Variants in AGBL2 observed in about 807,000 individuals in gnomAD.
The protein encoded by AGBL2 is cytosolic carboxypeptidase 2.
Under a neutral mutation model 103.0 loss-of-function variants are expected in AGBL2, and 87 were observed. The observed-to-expected ratio is 0.84, with a 90% CI of 0.71 to 1.01. The LOEUF (loss-of-function observed/expected upper bound fraction) is 1.01, where lower values mean the gene tolerates loss of function less well. Ranked by LOEUF, AGBL2 falls within the 50% of genes least tolerant of loss-of-function variation. AGBL2 has a pLI of 0.00. For synonymous variants in AGBL2, 335 were observed against 356.7 expected (o/e 0.94, Z 0.69); for missense variants, 904 against 1,023.5 (o/e 0.88, Z 1.59).
chr11:47,696,036 A>AAT (rs1565068979), intron 8 of AGBL2, among the ~76,000 whole-genome samples: 4 of 9,960 alleles, frequency 4.0e-4, no homozygotes, highest in Admixed American at 1.7e-3. Flanking sequence ...AAAAAAAAAA[A>AAT]GAAAAAAAAA....
At position 47,667,177 on chromosome 11, in the gene AGBL2, G is replaced by A. The variant is rs191768996; in HGVS notation, c.2341-114C>T. 6.0e-5 allele frequency: 43 copies of A among 716,612 alleles called. No homozygotes were observed. In the African/African-American group the frequency reaches 7.1e-4, roughly 12 times the overall value. 44.4% of individuals were successfully genotyped at this position (716,612 alleles called of 1,614,324 possible). ...GCACGTTTGTCTTTAGAAAGCAGAGGGTATGGTGGGAGTGTGGCAGCTTGG... is the reference window on the plus strand; with the variant it reads ...GCACGTTTGTCTTTAGAAAGCAGAGAGTATGGTGGGAGTGTGGCAGCTTGG... On this transcript the variant is annotated intron_variant, in intron 16 of 18. Coordinates refer to ENST00000525123, the MANE Select transcript of AGBL2 (RefSeq NM_024783.4).
chr11:47,677,244 A>G, intron 14 of AGBL2, 27 bp downstream of exon 14: 3 of 1,563,752 alleles, frequency 1.9e-6, no homozygotes, highest in South Asian at 1.2e-5. Context: ...TTTAAAAAAA[A>G]ACAAAACTCT....
chr11:47,666,673 A>C, intron 17 of AGBL2: 1 of 573,250 alleles, frequency 1.7e-6, no homozygotes, highest in Non-Finnish European at 3.1e-6. Context: ...CTGATTGAGT[A>C]GATGGGTGAG....
chr11:47,660,458 C>T (rs998543267), intron 18 of AGBL2, 112 bp from the exon 19 acceptor site: 15 of 947,224 alleles, frequency 1.6e-5, no homozygotes, highest in Non-Finnish European at 2.3e-5. Flanking sequence ...ATTTGCATTT[C>T]TTCCCCAAAT....
At chr11:47,673,765 G>T (rs2097364808) in intron 14 of AGBL2, among the ~76,000 whole-genome samples, 1 of 129,156 alleles carries the variant, frequency 7.7e-6, no homozygotes, top group Admixed American at 9.4e-5. Flanking sequence ...TTGGACTCCA[G>T]CCTGGGTGAC....
At position 47,680,962 on chromosome 11, in the gene AGBL2, A is replaced by G. The variant is rs151205553; in HGVS notation, c.1916-889T>C. ...CTGGGGTTTTTACTTCATGTTAGGC[A>G]CTATGGGAAGTGCACTCCATGCACC... On this transcript the variant is annotated intron_variant, in intron 12 of 18. Transcript: ENST00000525123. 1.9e-3 allele frequency among the ~76,000 whole-genome samples: 295 copies of G among 152,282 alleles called. 3 individuals carry two copies. The highest frequency in any genetic ancestry group is 0.01 in the Middle Eastern group (3 of 294).
rs552693628 is a variant in AGBL2, at chr11:47,700,544, G to C, written c.587-991C>G. On this transcript the variant is annotated intron_variant, in intron 7 of 18. Transcript: ENST00000525123. Reference sequence around the variant, plus strand: ...CAGTGAACCGAGATCACGCCACTGCGTGCCAGCCTGGGCGAACAGAGCAAG... The same window carrying C: ...CAGTGAACCGAGATCACGCCACTGCCTGCCAGCCTGGGCGAACAGAGCAAG... Among the ~76,000 whole-genome samples the C allele has an allele frequency of 1.8e-4, 28 of 152,126 alleles. No individual in the cohort carries two copies. In the South Asian group the frequency reaches 5.6e-3, roughly 30 times the overall value.
At chr11:47,696,024 A>G (rs1395718018) in intron 8 of AGBL2, among the ~76,000 whole-genome samples, 13 of 32,968 alleles carry the variant, frequency 3.9e-4, no homozygotes, top group Admixed American at 1.6e-3. Flanking sequence ...AAAAAAAAAA[A>G]AAAAAAAAAA....
At chr11:47,693,737 G>A (rs533467101) in intron 8 of AGBL2, among the ~76,000 whole-genome samples, 19 of 152,114 alleles carry the variant, frequency 1.2e-4, no homozygotes, top group South Asian at 6.2e-4. Context: ...ACATCTTTTC[G>A]TTCTGCATAA....
intron 13 of AGBL2, among the ~76,000 whole-genome samples, chr11:47,678,186 ACTC>A (rs2097383254): frequency 2.7e-5 from 4 of 148,538 alleles, no homozygotes; most frequent in Admixed American, 2.7e-4. Flanking sequence ...ATGGTCTCGA[ACTC>A]CTGACCTCGT....
chr11:47,701,801 C>T (rs867458504), intron 7 of AGBL2, among the ~76,000 whole-genome samples: 11 of 151,998 alleles, frequency 7.2e-5, no homozygotes, highest in African/African-American at 1.7e-4. Context: ...GGTGAAACCC[C>T]GTCTCTACCA....
chr11:47,700,199 C>T (rs1265894420), intron 7 of AGBL2, among the ~76,000 whole-genome samples: 3 of 152,058 alleles, frequency 2.0e-5, no homozygotes, highest in East Asian at 1.9e-4. Flanking sequence ...TCAGGTGATC[C>T]GCCCTCCTCT....
chr11:47,684,198 G>A lies in AGBL2; in HGVS notation c.1788+1695C>T, dbSNP rs377702763. ...TGAGGCAGGAGAATTGCTTGAACCC[G>A]GGAGGCGGAGGTTGCAGTGAGTGGA... On this transcript the variant is annotated intron_variant, in intron 11 of 18. Transcript: ENST00000525123. Among the ~76,000 whole-genome samples the A allele has an allele frequency of 6.5e-4, 99 of 152,078 alleles. 1 individual carries two copies. The highest frequency in any genetic ancestry group is 3.4e-3 in the Middle Eastern group (1 of 294).
intron 7 of AGBL2, among the ~76,000 whole-genome samples, chr11:47,701,910 T>C (rs1252126916): frequency 6.7e-6 from 1 of 149,192 alleles, no homozygotes; most frequent in Admixed American, 6.7e-5. Context: ...GAGGCGGAGG[T>C]TGCAGTGAGC....
chr11:47,667,039 G>C lies in AGBL2; in HGVS notation c.2365C>G (p.Leu789Val). Residue 789 changes from leucine to valine, a missense_variant, in exon 17 of 19, where the codon CTG (leucine) becomes GTG (valine). Leu to Val is a conservative substitution (Grantham distance 32, BLOSUM62 1). Transcript: ENST00000525123. ...TSEKAGFAST[L>V]QKQPTFFKNS... Reference sequence around the variant, plus strand: ...TTGAAAAAGGTTGGCTGCTTTTGCAGAGTAGAAGCAAATCCTGCCTTTTCC... The same window carrying C: ...TTGAAAAAGGTTGGCTGCTTTTGCACAGTAGAAGCAAATCCTGCCTTTTCC... The C allele has an allele frequency of 6.2e-7, 1 of 1,609,344 alleles. No homozygotes were observed. Among genetic ancestry groups the C allele is most frequent in the Non-Finnish European group, 8.5e-7 (1 of 1,178,354 alleles).
intron 8 of AGBL2, 124 bp from the exon 9 acceptor site, chr11:47,692,380 A>ACTAT (rs2097450867): frequency 1.6e-6 from 1 of 606,410 alleles, no homozygotes; most frequent in Non-Finnish European, 2.7e-6. Flanking sequence ...CTAATTTTCA[A>ACTAT]CTATCTTTGC....
chr11:47,679,900 C>T (rs559510746), intron 13 of AGBL2, 73 bp downstream of exon 13: 8 of 995,268 alleles, frequency 8.0e-6, no homozygotes, highest in African/African-American at 1.6e-5. Context: ...CTTCAGCCTC[C>T]CAAAGTGCTA....
chr11:47,706,737 G>A (rs1464809710), intron 4 of AGBL2, among the ~76,000 whole-genome samples: 4 of 151,522 alleles, frequency 2.6e-5, no homozygotes, highest in Non-Finnish European at 5.9e-5. Flanking sequence ...ATATGAAAAG[G>A]CTTTCTCTTT....
intron 16 of AGBL2, 36 bp downstream of exon 16, chr11:47,667,535 A>C: frequency 6.2e-7 from 1 of 1,609,920 alleles, no homozygotes; most frequent in Non-Finnish European, 8.5e-7. Context: ...ATGGTCTGAA[A>C]CTAGACAGTA....
Sources: allele counts gnomAD v4.1 joint callset (sites outside exome capture counted in the v4.1 genomes callset), GRCh38; gene constraint gnomAD v4.1.1; transcripts MANE v1.5; gene names NCBI Gene and HGNC (gene_info 2026-07-23, HGNC 2026-07-21).